ELOVL7: variants seen among roughly 807,000 people sequenced by gnomAD.
The protein encoded by ELOVL7 is very long chain fatty acid elongase 7.
In ELOVL7, 27 loss-of-function variants were observed where a neutral mutation model predicts 35.7. The observed-to-expected ratio is 0.76, with a 90% CI of 0.56 to 1.04. ELOVL7 has a LOEUF of 1.04. Ranked by LOEUF, ELOVL7 falls within the 50% of genes least tolerant of loss-of-function variation. The pLI, the probability that ELOVL7 is intolerant of heterozygous loss-of-function variation, is 0.00. For missense variants in ELOVL7, 327 were observed against 340.8 expected (o/e 0.96, Z 0.32); for synonymous variants, 113 against 114.6 (o/e 0.99, Z 0.09).
At chr5:60,802,069 T>C (rs1744654538) in intron 1 of ELOVL7, among the ~76,000 whole-genome samples, 1 of 3,504 alleles carries the variant, frequency 2.9e-4, no homozygotes, top group Non-Finnish European at 6.0e-4. Context: ...CTCATATATA[T>C]ATATATATAT....
chr5:60,815,951 G>A (rs1745491367), intron 1 of ELOVL7, among the ~76,000 whole-genome samples: 1 of 152,176 alleles, frequency 6.6e-6, no homozygotes, highest in African/African-American at 2.4e-5. Context: ...GGAATGGTGT[G>A]GAATAACGCT....
At chr5:60,774,289 G>A (rs1440891712) in intron 3 of ELOVL7, among the ~76,000 whole-genome samples, 1 of 152,150 alleles carries the variant, frequency 6.6e-6, no homozygotes. Context: ...ACATCAAAAA[G>A]TTAATTCACC....
intron 1 of ELOVL7, among the ~76,000 whole-genome samples, chr5:60,826,672 ATTTG>A: frequency 6.6e-6 from 1 of 152,240 alleles, no homozygotes; most frequent in East Asian, 1.9e-4. Flanking sequence ...ACTCATTCTA[ATTTG>A]TTTTCCCTAA....
intron 1 of ELOVL7, among the ~76,000 whole-genome samples, chr5:60,818,703 A>T (rs541448749): frequency 1.3e-5 from 2 of 152,152 alleles, no homozygotes; most frequent in Non-Finnish European, 2.9e-5. Context: ...ATCAGTAGAC[A>T]GCATGGATTT....
chr5:60,794,491 G>C (rs1195413791), intron 2 of ELOVL7, among the ~76,000 whole-genome samples: 3 of 152,200 alleles, frequency 2.0e-5, no homozygotes, highest in African/African-American at 7.2e-5. Flanking sequence ...CTCAGATGAG[G>C]ATGGGACCTC....
chr5:60,756,897 CA>C (rs1045403348), intron 8 of ELOVL7, among the ~76,000 whole-genome samples: 2 of 151,890 alleles, frequency 1.3e-5, no homozygotes, highest in African/African-American at 4.8e-5. Context: ...AATGAGTCTC[CA>C]AAAAAATTAA....
At chr5:60,819,300 T>C in intron 1 of ELOVL7, among the ~76,000 whole-genome samples, 1 of 152,006 alleles carries the variant, frequency 6.6e-6, no homozygotes, top group Middle Eastern at 3.2e-3. Context: ...TTACTACTAG[T>C]TGAATAGATG....
chr5:60,768,568 C>A, intron 4 of ELOVL7: 1 of 388,956 alleles, frequency 2.6e-6, no homozygotes. Flanking sequence ...CAAAGTGATC[C>A]AAGGCTGATG....
Position 60,797,937 on chromosome 5 carries a change from A to C in ELOVL7, c.-35+1243T>G, listed in dbSNP as rs1053684129. Among the ~76,000 whole-genome samples the C allele has an allele frequency of 3.3e-5, 5 of 152,218 alleles. No homozygotes were observed. In the South Asian group the frequency reaches 6.2e-4, roughly 19 times the overall value. On this transcript the variant is annotated intron_variant, in intron 2 of 8. Coordinates refer to ENST00000508821, the MANE Select transcript of ELOVL7 (RefSeq NM_024930.3). ...CTGATTGCCTCTTTTGAAAAGGTTAATCGGAAACTCAAAAGAATGCAAGCA... is the reference window on the plus strand; with the variant it reads ...CTGATTGCCTCTTTTGAAAAGGTTACTCGGAAACTCAAAAGAATGCAAGCA...
At chr5:60,817,713 T>C (rs1305279505) in intron 1 of ELOVL7, among the ~76,000 whole-genome samples, 1 of 147,378 alleles carries the variant, frequency 6.8e-6, no homozygotes, top group Admixed American at 6.8e-5. Context: ...ACCATATATA[T>C]ACACATATGT....
intron 1 of ELOVL7, among the ~76,000 whole-genome samples, chr5:60,833,515 CT>C (rs1485400491): frequency 6.6e-6 from 1 of 152,138 alleles, no homozygotes; most frequent in Non-Finnish European, 1.5e-5. Flanking sequence ...CACTTCCCCA[CT>C]CCCCAACTTC....
intron 2 of ELOVL7, among the ~76,000 whole-genome samples, chr5:60,792,851 G>A (rs1358087774): frequency 6.6e-6 from 1 of 152,196 alleles, no homozygotes; most frequent in East Asian, 1.9e-4. Flanking sequence ...TTGTATGAAT[G>A]AAGCTCACCA....
At chr5:60,841,168 G>C (rs1177892377) in intron 1 of ELOVL7, among the ~76,000 whole-genome samples, 2 of 151,896 alleles carry the variant, frequency 1.3e-5, no homozygotes, top group Non-Finnish European at 2.9e-5. Flanking sequence ...TGGGACTACA[G>C]GCATGTGCCA....
chr5:60,836,537 T>C (rs1176885855), intron 1 of ELOVL7, among the ~76,000 whole-genome samples: 1 of 152,076 alleles, frequency 6.6e-6, no homozygotes, highest in Non-Finnish European at 1.5e-5. Flanking sequence ...TCCTACAGGA[T>C]GCAACACAGC....
intron 2 of ELOVL7, among the ~76,000 whole-genome samples, chr5:60,790,722 G>A (rs1277062656): frequency 1.3e-5 from 2 of 152,132 alleles, no homozygotes; most frequent in Non-Finnish European, 2.9e-5. Flanking sequence ...AACAACCTTA[G>A]TTTTTCAATC....
chr5:60,828,598 A>G (rs539791178), intron 1 of ELOVL7, among the ~76,000 whole-genome samples: 1 of 152,316 alleles, frequency 6.6e-6, no homozygotes, highest in South Asian at 2.1e-4. Context: ...AAGCCCAAAA[A>G]TGCATAGGAG....
intron 2 of ELOVL7, among the ~76,000 whole-genome samples, chr5:60,789,776 T>G (rs1743813691): frequency 6.6e-6 from 1 of 152,166 alleles, no homozygotes; most frequent in Admixed American, 6.5e-5. Context: ...ATTATGACAT[T>G]GTAAATAAGA....
intron 3 of ELOVL7, among the ~76,000 whole-genome samples, chr5:60,773,544 AG>A (rs1220644329): frequency 6.6e-6 from 1 of 152,218 alleles, no homozygotes; most frequent in African/African-American, 2.4e-5. Context: ...AAATACTGGC[AG>A]AGGCCCCTCT....
At chr5:60,759,608 C>CTT (rs11371606) in intron 7 of ELOVL7, among the ~76,000 whole-genome samples, 35 of 145,720 alleles carry the variant, frequency 2.4e-4, no homozygotes, top group African/African-American at 5.0e-4. Flanking sequence ...TGCCTATTTT[C>CTT]TTTTTTTTTT....
Sources: allele counts gnomAD v4.1 joint callset (sites outside exome capture counted in the v4.1 genomes callset), GRCh38; gene constraint gnomAD v4.1.1; transcripts MANE v1.5; gene names NCBI Gene and HGNC (gene_info 2026-07-23, HGNC 2026-07-21).